CCDC80: variants seen among roughly 807,000 people sequenced by gnomAD.
CCDC80 encodes coiled-coil domain-containing protein 80.
A neutral mutation model predicts 78.7 loss-of-function variants in CCDC80; 49 were observed. That is an observed-to-expected ratio of 0.62 (90% CI 0.50 to 0.79). CCDC80 has a LOEUF of 0.79. Ranked by LOEUF, CCDC80 falls within the 30% of genes least tolerant of loss-of-function variation. The pLI, the probability that CCDC80 is intolerant of heterozygous loss-of-function variation, is 0.00. For missense variants in CCDC80, 1,205 were observed against 1,198.6 expected, an observed-to-expected ratio of 1.01 and a Z score of -0.08; for synonymous variants, 488 against 447.0, an observed-to-expected ratio of 1.09 and a Z score of -1.16.
rs1485111625 is a variant in CCDC80 at position 112,605,149 on chromosome 3, A to C, written c.*268T>G. The C allele has an allele frequency of 3.3e-6, 1 of 307,376 alleles. No individual in the cohort carries two copies. Among genetic ancestry groups the C allele is most frequent in the African/African-American group, 2.1e-5 (1 of 46,578 alleles). The allele number at this position is 307,376 out of a possible 1,614,324, so 19.0% of individuals were successfully genotyped here. A position where few individuals can be genotyped will look rare whatever the true frequency, so the allele number is the denominator to read the frequency against. On this transcript the variant is annotated 3_prime_UTR_variant, in exon 8 of 8. Transcript: ENST00000206423. Reference sequence around the variant, plus strand: ...TGCCAAATAAGGTCCTTCATATAAGAAAAGGAAAATAATATCAATTTTCAG... The same window carrying C: ...TGCCAAATAAGGTCCTTCATATAAGCAAAGGAAAATAATATCAATTTTCAG...
At chr3:112,636,718 T>C (rs1936215069) in intron 2 of CCDC80, among the ~76,000 whole-genome samples, 1 of 152,146 alleles carries the variant, frequency 6.6e-6, no homozygotes, top group Non-Finnish European at 1.5e-5. Context: ...TGTCTGTCTC[T>C]TTTGGTGGGG....
At chr3:112,636,184 A>T (rs1448486671) in intron 2 of CCDC80, among the ~76,000 whole-genome samples, 1 of 152,166 alleles carries the variant, frequency 6.6e-6, no homozygotes, top group Non-Finnish European at 1.5e-5. Flanking sequence ...CAAACCACTA[A>T]TTCTTTCCCA....
At position 112,639,558 on chromosome 3, in the gene CCDC80, C is replaced by T. The variant is rs1187140956; in HGVS notation, c.348G>A (p.Glu116=). 2 of 1,614,192 alleles carry T rather than the reference C, an allele frequency of 1.2e-6. No homozygotes were observed. Among genetic ancestry groups the T allele is most frequent in the Non-Finnish European group, 1.7e-6 (2 of 1,180,044 alleles). ...CTGAGGACCCCTCATCTCTGATCAT[C>T]TCACGCGGAGAGCCCCTGGCTGCTG... ...QRPAARGSPR[E]MIRDEGSSAR... The change falls in exon 2 of 8, where the codon GAG becomes GAA. Residue 116 remains glutamate, a synonymous_variant. Coordinates refer to ENST00000206423, the MANE Select transcript of CCDC80 (RefSeq NM_199511.3).
intron 1 of CCDC80, among the ~76,000 whole-genome samples, 173 bp from the exon 2 acceptor site, chr3:112,640,089 C>T: frequency 6.6e-6 from 1 of 152,176 alleles, no homozygotes; most frequent in East Asian, 1.9e-4. Flanking sequence ...GGATGAGATC[C>T]TGTTACTTTC....
chr3:112,635,462 T>C (rs533056289), intron 2 of CCDC80, among the ~76,000 whole-genome samples: 19 of 152,340 alleles, frequency 1.2e-4, no homozygotes, highest in African/African-American at 4.6e-4. Flanking sequence ...CCAAGTTTGA[T>C]GGGAAAAGTG....
Position 112,631,016 on chromosome 3 carries a change from A to G in CCDC80, c.1879-747T>C, listed in dbSNP as rs985419309. 2.6e-4 allele frequency among the ~76,000 whole-genome samples: 38 copies of G among 148,774 alleles called. 1 individual carries two copies. The highest frequency in any genetic ancestry group is 4.2e-4 in the African/African-American group (17 of 40,616). ...TCCTATGACCCCTGTCTTCTGGGGG[A>G]AAAAAAAAAGAGGAAAGACAAAGCA... On this transcript the variant is annotated intron_variant, in intron 2 of 7. Coordinates refer to ENST00000206423, the MANE Select transcript of CCDC80 (RefSeq NM_199511.3).
intron 5 of CCDC80, 162 bp from the exon 6 acceptor site, chr3:112,610,243 G>A: frequency 1.5e-6 from 1 of 660,248 alleles, no homozygotes; most frequent in East Asian, 2.8e-5. Context: ...CCATTAAACT[G>A]CATTGCTACA....
At chr3:112,637,888 A>G in intron 2 of CCDC80, 140 bp downstream of exon 2, 1 of 1,377,148 alleles carries the variant, frequency 7.3e-7, no homozygotes, top group Non-Finnish European at 9.6e-7. Flanking sequence ...CTCTTTTGCC[A>G]GACTTCTGAG....
rs1158529782 is a variant in CCDC80, at chr3:112,605,612, C to A, written c.2658G>T (p.Met886Ile). 1 of 1,614,194 alleles carries A rather than the reference C, an allele frequency of 6.2e-7. No individual in the cohort carries two copies. Among genetic ancestry groups the A allele is most frequent in the Non-Finnish European group, 8.5e-7 (1 of 1,180,032 alleles). The change falls in exon 8 of 8, where the codon ATG (methionine) becomes ATT (isoleucine). Residue 886 changes from methionine to isoleucine, a missense_variant. Coordinates refer to ENST00000206423, the MANE Select transcript of CCDC80 (RefSeq NM_199511.3). The stretch of plus-strand genomic sequence containing the variant: ...AATCAATTAAATCGTACACAATCAC[C>A]ATGGACCACATTGGGGAAGGATACC... ...KSWYPSPMWSMVIVYDLIDSM... is the reference protein window; with the variant it reads ...KSWYPSPMWSIVIVYDLIDSM...
At position 112,600,953 on chromosome 3, in the gene CCDC80, A is replaced by T. The variant is rs895746076; in HGVS notation, c.*4464T>A. On this transcript the variant is annotated 3_prime_UTR_variant, in exon 8 of 8. Coordinates refer to ENST00000206423, the MANE Select transcript of CCDC80 (RefSeq NM_199511.3). ...ATCCTGGCAAAAATTTAAAAGCAGT[A>T]CACTTCGACGTGGCTCACTTTCCTG... 3 of 152,240 alleles carry T rather than the reference A, an allele frequency of 2.0e-5. No homozygotes were observed. Among genetic ancestry groups the T allele is most frequent in the African/African-American group, 7.2e-5 (3 of 41,466 alleles). 9.4% of individuals were successfully genotyped at this position (152,240 alleles called of 1,614,324 possible). A position where few individuals can be genotyped will look rare whatever the true frequency, so the allele number is the denominator to read the frequency against.
At chr3:112,633,675 T>C (rs1296371762) in intron 2 of CCDC80, among the ~76,000 whole-genome samples, 1 of 152,128 alleles carries the variant, frequency 6.6e-6, no homozygotes, top group Non-Finnish European at 1.5e-5. Flanking sequence ...GTGAAAACAC[T>C]CTCCCTTACA....
At position 112,638,592 on chromosome 3, in the gene CCDC80, G is replaced by T. The variant is rs747318222; in HGVS notation, c.1314C>A (p.Ser438Arg). 1 of 1,614,110 alleles carries T rather than the reference G, an allele frequency of 6.2e-7. No individual in the cohort carries two copies. The highest frequency in any genetic ancestry group is 1.7e-5 in the Admixed American group (1 of 60,022). Residue 438 changes from serine to arginine, a missense_variant, in exon 2 of 8, where the codon AGC (serine) becomes AGA (arginine). Ser to Arg is a moderately radical substitution (Grantham distance 110). Transcript: ENST00000206423. Reference protein sequence around the residue: ...QTTRRPSKATSLESFTNAPPT... With the variant: ...QTTRRPSKATRLESFTNAPPT... The stretch of plus-strand genomic sequence containing the variant: ...GAGGGGCATTTGTGAAGCTCTCCAA[G>T]CTGGTGGCCTTGCTGGGCCTCCTGG...
chr3:112,635,687 G>T (rs1936193516), intron 2 of CCDC80, among the ~76,000 whole-genome samples: 1 of 152,184 alleles, frequency 6.6e-6, no homozygotes, highest in South Asian at 2.1e-4. Flanking sequence ...AGTCTGAAAA[G>T]CCTTCTGTTA....
At chr3:112,607,125 T>G in intron 7 of CCDC80, 51 bp downstream of exon 7, 1 of 1,361,366 alleles carries the variant, frequency 7.3e-7, no homozygotes, top group Non-Finnish European at 1.0e-6. Flanking sequence ...TTAATGTAAT[T>G]TAACTGAACT....
Position 112,638,498 on chromosome 3 carries a change from T to A in CCDC80, c.1408A>T (p.Arg470Trp), listed in dbSNP as rs1306489932. 2 of 1,611,064 alleles carry A rather than the reference T, an allele frequency of 1.2e-6. No individual in the cohort carries two copies. Among genetic ancestry groups the A allele is most frequent in the South Asian group, 2.2e-5 (2 of 90,818 alleles). Residue 470 changes from arginine (R) to tryptophan (W), a missense_variant, in exon 2 of 8, where the codon AGG becomes TGG. Physicochemically the swap from Arg to Trp is moderately radical, Grantham distance 101. Coordinates refer to ENST00000206423, the MANE Select transcript of CCDC80 (RefSeq NM_199511.3). ...PGRFRDNRMDRREHGHRDPNV... is the reference protein window; with the variant it reads ...PGRFRDNRMDWREHGHRDPNV... ...GGGTCTCGGTGGCCATGTTCCCGCC[T>A]GTCCATGCGGTTGTCCCGGAAACGG...
chr3:112,618,381 G>A (rs551874403), intron 4 of CCDC80, among the ~76,000 whole-genome samples: 16 of 152,144 alleles, frequency 1.1e-4, no homozygotes, highest in Admixed American at 7.2e-4. Flanking sequence ...AAAATTAGCC[G>A]GGTGTGGTGG....
intron 5 of CCDC80, among the ~76,000 whole-genome samples, chr3:112,614,333 T>G (rs1176476090): frequency 6.6e-6 from 1 of 152,154 alleles, no homozygotes; most frequent in Admixed American, 6.5e-5. Flanking sequence ...GTCTTGAATT[T>G]GTAACTTGAA....
Position 112,602,837 on chromosome 3 carries a change from C to T in CCDC80, c.*2580G>A, listed in dbSNP as rs1935398345. ...GATGTAGAAGCTGCAGTAAGTTATC[C>T]AGAAGATCTAGTTAAGATAATTAAT... On this transcript the variant is annotated 3_prime_UTR_variant, in exon 8 of 8. Coordinates refer to ENST00000206423, the MANE Select transcript of CCDC80 (RefSeq NM_199511.3). 6.6e-6 allele frequency: 1 copy of T among 152,114 alleles called. No individual in the cohort carries two copies. Among genetic ancestry groups the T allele is most frequent in the African/African-American group, 2.4e-5 (1 of 41,418 alleles). The allele number at this position is 152,114 out of a possible 1,614,324, so 9.4% of individuals were successfully genotyped here.
chr3:112,612,335 T>G lies in CCDC80; in HGVS notation c.2322-2254A>C, dbSNP rs547906041. 4.6e-5 allele frequency among the ~76,000 whole-genome samples: 7 copies of G among 152,240 alleles called. No homozygotes were observed. In the South Asian group the frequency reaches 1.5e-3, roughly 32 times the overall value. Reference sequence around the variant, plus strand: ...TAGGGTGTCTTGGAAGGAGCTATTTTGGGTGAGGTCTATTTTGGTTTGTTT... The same window carrying G: ...TAGGGTGTCTTGGAAGGAGCTATTTGGGGTGAGGTCTATTTTGGTTTGTTT... On this transcript the variant is annotated intron_variant, in intron 5 of 7. Transcript: ENST00000206423.
Sources: allele counts gnomAD v4.1 joint callset (sites outside exome capture counted in the v4.1 genomes callset), GRCh38; gene constraint gnomAD v4.1.1; transcripts MANE v1.5; gene names NCBI Gene and HGNC (gene_info 2026-07-23, HGNC 2026-07-21).